Variants in KAZN observed in about 807,000 individuals in gnomAD.
KAZN encodes the protein kazrin, periplakin interacting protein.
KAZN carries 40 observed loss-of-function variants against 87.4 expected under a neutral mutation model. That is an observed-to-expected ratio of 0.46 (90% CI 0.36 to 0.60). The LOEUF (loss-of-function observed/expected upper bound fraction) is 0.60, where lower values mean the gene tolerates loss of function less well. KAZN is among the 20% of genes least tolerant of loss of function. The pLI, the probability that KAZN is intolerant of heterozygous loss-of-function variation, is 0.00. For synonymous variants in KAZN, 466 were observed against 458.3 expected (o/e 1.02, Z -0.22); for missense variants, 898 against 1,073.9 (o/e 0.84, Z 2.29).
chr1:13,941,712 A>G (rs1271400305), intron 1 of KAZN, among the ~76,000 whole-genome samples: 1 of 152,154 alleles, frequency 6.6e-6, no homozygotes, highest in Non-Finnish European at 1.5e-5. Context: ...CCTACTGACA[A>G]CAAGTAGAAA....
At chr1:14,382,922 T>G (rs954622443) in intron 2 of KAZN, among the ~76,000 whole-genome samples, 2 of 151,858 alleles carry the variant, frequency 1.3e-5, no homozygotes, top group Non-Finnish European at 2.9e-5. Flanking sequence ...TGAACTAGTT[T>G]ACAGTCCCAC....
intron 2 of KAZN, among the ~76,000 whole-genome samples, chr1:14,502,554 T>C (rs1670316396): frequency 1.3e-5 from 2 of 152,278 alleles, no homozygotes; most frequent in Admixed American, 6.5e-5. Context: ...AGGTCTCCAG[T>C]AAACCCTACT....
At chr1:14,937,122 A>C (rs2101616050) in intron 1 of KAZN, among the ~76,000 whole-genome samples, 1 of 152,316 alleles carries the variant, frequency 6.6e-6, no homozygotes, top group East Asian at 1.9e-4. Flanking sequence ...TCTGGGCATA[A>C]TTCTTGCAGT....
intron 1 of KAZN, among the ~76,000 whole-genome samples, chr1:14,889,108 C>A (rs10927566): frequency 1.3e-5 from 2 of 152,184 alleles, no homozygotes; most frequent in African/African-American, 2.4e-5. Context: ...ATGCAGCCTG[C>A]GGGCCATGGG....
At chr1:14,182,625 G>A (rs892286068) in intron 2 of KAZN, among the ~76,000 whole-genome samples, 4 of 152,092 alleles carry the variant, frequency 2.6e-5, no homozygotes, top group Non-Finnish European at 5.9e-5. Context: ...GAATCCCAAC[G>A]TTTTGGGGAT....
intron 2 of KAZN, among the ~76,000 whole-genome samples, chr1:14,348,266 G>A (rs1345259669): frequency 6.6e-6 from 1 of 151,930 alleles, no homozygotes; most frequent in Admixed American, 6.6e-5. Flanking sequence ...TGGCCAGGCT[G>A]GTCTTGAACT....
chr1:14,139,070 G>A (rs767943099), intron 1 of KAZN, among the ~76,000 whole-genome samples: 1 of 152,184 alleles, frequency 6.6e-6, no homozygotes. Flanking sequence ...GTTGCCCATA[G>A]AGAGCACATT....
intron 1 of KAZN, among the ~76,000 whole-genome samples, chr1:14,838,757 A>C (rs1647584097): frequency 6.6e-6 from 1 of 152,048 alleles, no homozygotes; most frequent in Admixed American, 6.6e-5. Context: ...GAGTACCTGG[A>C]ATTACAGGCG....
At chr1:14,210,033 G>A (rs548048084) in intron 2 of KAZN, among the ~76,000 whole-genome samples, 4 of 152,254 alleles carry the variant, frequency 2.6e-5, no homozygotes, top group East Asian at 3.9e-4. Context: ...TGAGGCCAGC[G>A]GTGGTGCTGG....
intron 2 of KAZN, among the ~76,000 whole-genome samples, chr1:14,441,359 G>GGGCAGCAGCGGCAGC (rs1553172845): frequency 6.6e-6 from 1 of 151,838 alleles, no homozygotes; most frequent in South Asian, 2.1e-4. Flanking sequence ...ATGTTGTTCC[G>GGGCAGCAGCGGCAGC]GGCAGCAGCG....
intron 2 of KAZN, among the ~76,000 whole-genome samples, chr1:14,369,997 C>G (rs952810283): frequency 1.3e-5 from 2 of 152,198 alleles, no homozygotes; most frequent in African/African-American, 4.8e-5. Flanking sequence ...GTGCATTCCA[C>G]CTCCCCACAC....
At position 14,555,513 on chromosome 1, in the gene KAZN, T is replaced by C. The variant is rs116180254; in HGVS notation, c.250-43470T>C. Among the ~76,000 whole-genome samples, 1,202 of 152,312 alleles carry C rather than the reference T, an allele frequency of 7.9e-3. 12 individuals are homozygous for C. The highest frequency in any genetic ancestry group is 0.026 in the African/African-American group (1,097 of 41,564). On this transcript the variant is annotated intron_variant, in intron 2 of 16. Transcript: ENST00000636203. The stretch of plus-strand genomic sequence containing the variant: ...AAATAACTTTACTTTAGAAATTACA[T>C]TGAATCTACATTTCAAGATGTTTTA...
At chr1:14,377,225 C>T (rs1660985558) in intron 2 of KAZN, among the ~76,000 whole-genome samples, 1 of 152,130 alleles carries the variant, frequency 6.6e-6, no homozygotes, top group African/African-American at 2.4e-5. Context: ...ATCAACCCAC[C>T]CTTAAGGTCT....
chr1:13,901,751 T>G (rs1324015885), intron 1 of KAZN, among the ~76,000 whole-genome samples: 2 of 152,198 alleles, frequency 1.3e-5, no homozygotes, highest in Admixed American at 6.5e-5. Flanking sequence ...ACCTTGTGTG[T>G]GAGATATCCA....
chr1:14,539,878 C>T (rs1236024586), intron 2 of KAZN, among the ~76,000 whole-genome samples: 1 of 152,160 alleles, frequency 6.6e-6, no homozygotes, highest in Non-Finnish European at 1.5e-5. Context: ...GGGAAAGTCA[C>T]CATCCCAATT....
At chr1:15,095,036 G>T (rs1486502223) in intron 10 of KAZN, 103 bp downstream of exon 10, 10 of 772,814 alleles carry the variant, frequency 1.3e-5, no homozygotes, top group African/African-American at 3.4e-5. Flanking sequence ...TGAACCAGGT[G>T]GTGGGGGACA....
At chr1:14,178,697 T>C (rs1344629594) in intron 1 of KAZN, among the ~76,000 whole-genome samples, 1 of 152,268 alleles carries the variant, frequency 6.6e-6, no homozygotes, top group African/African-American at 2.4e-5. Flanking sequence ...TTCTCCAAGC[T>C]ATTAGTCACA....
At chr1:14,542,351 C>G (rs1034217060) in intron 2 of KAZN, among the ~76,000 whole-genome samples, 1 of 151,384 alleles carries the variant, frequency 6.6e-6, no homozygotes, top group East Asian at 2.0e-4. Context: ...GCTAAATGAC[C>G]AGTTAATGGG....
intron 1 of KAZN, among the ~76,000 whole-genome samples, chr1:13,957,672 A>G (rs932602527): frequency 3.3e-5 from 5 of 152,070 alleles, no homozygotes; most frequent in Non-Finnish European, 7.4e-5. Flanking sequence ...GTGAGAGAGA[A>G]AGCAAGGTGG....
Sources: gnomAD v4.1 joint callset for allele counts (sites outside exome capture counted in the v4.1 genomes callset) on GRCh38, gnomAD v4.1.1 for gene constraint, MANE v1.5 for transcripts, NCBI Gene and HGNC (gene_info 2026-07-23, HGNC 2026-07-21) for gene names.